The following OVCH2 variants were observed in gnomAD, a reference collection of about 807,000 sequenced individuals.
OVCH2 encodes ovochymase-2.
Under a neutral mutation model 73.7 loss-of-function variants are expected in OVCH2, and 88 were observed. The observed-to-expected ratio is 1.19, with a 90% CI of 1.01 to 1.43. The LOEUF (loss-of-function observed/expected upper bound fraction) is 1.43, where lower values mean the gene tolerates loss of function less well. Ranked by LOEUF, OVCH2 falls within the 40% of genes most tolerant of loss-of-function variation. OVCH2 has a pLI of 0.00. For synonymous variants in OVCH2, 265 were observed against 234.5 expected, an observed-to-expected ratio of 1.13 and a Z score of -1.19; for missense variants, 706 against 674.5, an observed-to-expected ratio of 1.05 and a Z score of -0.52.
the OVCH2 span, among the ~76,000 whole-genome samples, chr11:7,679,933 A>T: frequency 6.6e-5 from 10 of 152,234 alleles, no homozygotes; most frequent in Admixed American, 6.5e-4. Context: ...CCTAGGGCAC[A>T]GTGTGCCGGG....
the OVCH2 span, among the ~76,000 whole-genome samples, chr11:7,683,928 T>C: frequency 7.2e-5 from 11 of 151,956 alleles, no homozygotes; most frequent in Non-Finnish European, 1.5e-4. Context: ...TGCAATACCC[T>C]GCTCACCAGC....
intron 14 of OVCH2, 103 bp downstream of exon 14, chr11:7,691,166 A>C: frequency 7.4e-7 from 1 of 1,355,628 alleles, no homozygotes; most frequent in Non-Finnish European, 1.0e-6. Context: ...ATTACTGCAG[A>C]TAGTGAGAAT....
At chr11:7,703,408 C>T (rs1172039349) in intron 3 of OVCH2, among the ~76,000 whole-genome samples, 1 of 152,142 alleles carries the variant, frequency 6.6e-6, no homozygotes, top group African/African-American at 2.4e-5. Context: ...AGAAAACTTT[C>T]ACAAATCCTT....
At chr11:7,698,863 T>C in intron 7 of OVCH2, 90 bp from the exon 8 acceptor site, 1 of 1,383,870 alleles carries the variant, frequency 7.2e-7, no homozygotes, top group East Asian at 2.4e-5. Context: ...GCACAAGAGA[T>C]TTTTAAGTCA....
chr11:7,699,941 T>TG, intron 7 of OVCH2: 1 of 187,132 alleles, frequency 5.3e-6, no homozygotes, highest in Non-Finnish European at 1.1e-5. Context: ...TTTGCTGGAT[T>TG]TTTTTGAGAA....
chr11:7,702,610 A>C (rs1196411041), intron 3 of OVCH2, among the ~76,000 whole-genome samples: 2 of 152,194 alleles, frequency 1.3e-5, no homozygotes, highest in Non-Finnish European at 2.9e-5. Context: ...AGGCACATAC[A>C]TTGTAGTTCA....
At chr11:7,684,104 T>C in the OVCH2 span, among the ~76,000 whole-genome samples, 1 of 152,038 alleles carries the variant, frequency 6.6e-6, no homozygotes, top group Non-Finnish European at 1.5e-5. Context: ...CTATTTTTCT[T>C]ACTGCAGAAT....
intron 12 of OVCH2, among the ~76,000 whole-genome samples, chr11:7,692,994 G>A (rs1856250940): frequency 6.6e-6 from 1 of 152,168 alleles, no homozygotes; most frequent in East Asian, 1.9e-4. Flanking sequence ...CCTGCATGGG[G>A]CACTTGTTTT....
chr11:7,695,278 C>T, intron 11 of OVCH2, 90 bp from the exon 12 acceptor site: 1 of 1,377,666 alleles, frequency 7.3e-7, no homozygotes, highest in African/African-American at 1.5e-5. Flanking sequence ...GAAAATGATG[C>T]ATATCAATTG....
downstream of OVCH2, among the ~76,000 whole-genome samples, chr11:7,688,164 G>C (rs1052816016): frequency 2.0e-5 from 3 of 151,822 alleles, no homozygotes; most frequent in African/African-American, 4.8e-5. Flanking sequence ...CTTTTTCTTT[G>C]GTCTTCCCTT....
chr11:7,690,016 G>A lies in OVCH2; in HGVS notation c.1640-3C>T. ...GGAGATGTTTAAATCTGGGTATACT[G>A]GGTATAAGTATGATACAATTACTCA... On this transcript the variant is annotated splice_region_variant and splice_polypyrimidine_tract_variant and intron_variant, in intron 14 of 15. Transcript: ENST00000533663. The A allele has an allele frequency of 1.3e-6, 2 of 1,501,604 alleles. No individual in the cohort carries two copies. The highest frequency in any genetic ancestry group is 1.4e-5 in the African/African-American group (1 of 72,192). The allele number at this position is 1,501,604 out of a possible 1,614,324, so 93.0% of individuals were successfully genotyped here.
In OVCH2 at chr11:7,703,665, G is replaced by A. The variant is rs374286453; in HGVS notation, c.290+33C>T. The A allele has an allele frequency of 1.0e-5, 15 of 1,499,970 alleles. No individual in the cohort carries two copies. The Admixed American group carries it at 1.8e-4, about 18-fold the overall frequency. The allele number at this position is 1,499,970 out of a possible 1,614,324, so 92.9% of individuals were successfully genotyped here. ...ATTCCAAGGGAGAAGAAATGGTGGT[G>A]TGGTCTTCACTCATGGGCTAGGCCT... On this transcript the variant is annotated intron_variant, in intron 3 of 15. Coordinates refer to ENST00000533663, the MANE Select transcript of OVCH2 (RefSeq NM_198185.7).
intron 5 of OVCH2, 92 bp downstream of exon 5, chr11:7,701,623 CG>C (rs1448484372): frequency 1.9e-5 from 26 of 1,402,464 alleles, no homozygotes; most frequent in South Asian, 1.0e-4. Flanking sequence ...TATGCACAAT[CG>C]ATTTTTAAAA....
chr11:7,695,749 A>G (rs1323186122), intron 10 of OVCH2, 39 bp from the exon 11 acceptor site: 1 of 1,570,078 alleles, frequency 6.4e-7, no homozygotes, highest in Non-Finnish European at 8.6e-7. Context: ...TTCAGAATCT[A>G]GAAAATAGTT....
chr11:7,706,140 G>T, intron 1 of OVCH2, 167 bp downstream of exon 1: 3 of 641,292 alleles, frequency 4.7e-6, no homozygotes, highest in Non-Finnish European at 5.2e-6. Flanking sequence ...TGTGTCCTAT[G>T]CCGATTGCAG....
downstream of OVCH2, among the ~76,000 whole-genome samples, chr11:7,685,291 C>T (rs192544815): frequency 3.4e-4 from 52 of 152,212 alleles, no homozygotes; most frequent in African/African-American, 1.2e-3. Context: ...TACCGAACTA[C>T]GTGAGATAAC....
intron 14 of OVCH2, among the ~76,000 whole-genome samples, chr11:7,690,800 A>G (rs1369330182): frequency 1.3e-5 from 2 of 151,236 alleles, no homozygotes; most frequent in Non-Finnish European, 2.9e-5. Flanking sequence ...TGTTCTTTTT[A>G]TTGGTGACCT....
downstream of OVCH2, among the ~76,000 whole-genome samples, chr11:7,688,084 A>C (rs1420749678): frequency 6.6e-6 from 1 of 151,940 alleles, no homozygotes; most frequent in Non-Finnish European, 1.5e-5. Context: ...AGCAAAACCT[A>C]ATCTCTCTCT....
chr11:7,689,855 T>G lies in OVCH2; in HGVS notation c.*31+69A>C, dbSNP rs1202916342. 4.2e-6 allele frequency: 4 copies of G among 947,436 alleles called. No individual in the cohort carries two copies. In the African/African-American group the frequency reaches 6.5e-5, roughly 15 times the overall value. The allele number at this position is 947,436 out of a possible 1,614,324, so 58.7% of individuals were successfully genotyped here. A position where few individuals can be genotyped will look rare whatever the true frequency, so the allele number is the denominator to read the frequency against. ...GGAGGAAGATGGAATTAAATCCATATCACCTGCTTCTCCGGTTGAACCCTG... is the reference window on the plus strand; with the variant it reads ...GGAGGAAGATGGAATTAAATCCATAGCACCTGCTTCTCCGGTTGAACCCTG... On this transcript the variant is annotated intron_variant, in intron 15 of 15. Coordinates refer to ENST00000533663, the MANE Select transcript of OVCH2 (RefSeq NM_198185.7).
Sources: allele counts gnomAD v4.1 joint callset (sites outside exome capture counted in the v4.1 genomes callset), GRCh38; gene constraint gnomAD v4.1.1; transcripts MANE v1.5; gene names NCBI Gene and HGNC (gene_info 2026-07-23, HGNC 2026-07-21).